The following CARNS1 variants were observed in gnomAD, a reference collection of about 807,000 sequenced individuals.
CARNS1 encodes the protein carnosine synthase 1.
CARNS1 carries 61 observed loss-of-function variants against 74.0 expected under a neutral mutation model. That is an observed-to-expected ratio of 0.82 (90% CI 0.67 to 1.02). CARNS1 has a LOEUF of 1.02. Ranked by LOEUF, CARNS1 falls within the 50% of genes least tolerant of loss-of-function variation. The probability of loss-of-function intolerance (pLI) is 0.00; values close to 1 mark genes in which losing one functional copy is unlikely to be tolerated. For synonymous variants in CARNS1, 568 were observed against 605.5 expected (o/e 0.94, Z 0.91); for missense variants, 1,278 against 1,308.4 (o/e 0.98, Z 0.36).
rs950601338 is a variant in CARNS1 at position 67,417,430 on chromosome 11, C to T, written c.27C>T (p.Pro9=). 24 of 1,401,018 alleles carry T rather than the reference C, an allele frequency of 1.7e-5. No individual in the cohort carries two copies. The highest frequency in any genetic ancestry group is 6.1e-5 in the Admixed American group (2 of 32,794). 86.8% of individuals were successfully genotyped at this position (1,401,018 alleles called of 1,614,324 possible). The change falls in exon 3 of 10, where the codon CCC becomes CCT. Residue 9 remains proline, a synonymous_variant. Transcript: ENST00000687366. MLSLDPSG[P]EWDCPLGSKD... Reference sequence around the variant, plus strand: ...AGCTCTCCCTGGATCCATCGGGTCCCGAGTGGGATTGCCCACTGGGCTCCA... The same window carrying T: ...AGCTCTCCCTGGATCCATCGGGTCCTGAGTGGGATTGCCCACTGGGCTCCA...
intron 9 of CARNS1, among the ~76,000 whole-genome samples, chr11:67,422,612 C>T (rs117216574): frequency 0.048 from 7,284 of 152,270 alleles, 264 homozygotes; most frequent in Non-Finnish European, 0.078. Flanking sequence ...CAGGTGTGAG[C>T]CACTGCGCAC....
At chr11:67,417,730 C>A in intron 3 of CARNS1, 53 bp downstream of exon 3, 2 of 1,186,502 alleles carry the variant, frequency 1.7e-6, no homozygotes, top group Non-Finnish European at 2.1e-6. Context: ...GAGGGGCCCT[C>A]AGCCCAGTCT....
At position 67,416,625 on chromosome 11, in the gene CARNS1, C is replaced by T. The variant is rs1306128471; in HGVS notation, c.3+423C>T. 1.9e-5 allele frequency: 19 copies of T among 1,009,518 alleles called. No homozygotes were observed. In the East Asian group the frequency reaches 5.3e-4, roughly 28 times the overall value. 62.5% of individuals were successfully genotyped at this position (1,009,518 alleles called of 1,614,324 possible). A position where few individuals can be genotyped will look rare whatever the true frequency, so the allele number is the denominator to read the frequency against. The stretch of plus-strand genomic sequence containing the variant: ...GGCAACAAGGTCCAAAGAGACCTCA[C>T]GACTTGCTCAAGGTGGCCGAGCCTG... On this transcript the variant is annotated intron_variant, in intron 2 of 9. Transcript: ENST00000687366.
chr11:67,417,417 A>G lies in CARNS1; in HGVS notation c.14A>G (p.Asp5Gly). ...CTTCTGCCCTCTCAGCTCTCCCTGG[A>G]TCCATCGGGTCCCGAGTGGGATTGC... is the stretch of plus-strand genomic sequence containing the variant. MLSL[D>G]PSGPEWDCPL... The change falls in exon 3 of 10, where the codon GAT (aspartate) becomes GGT (glycine). Residue 5 changes from aspartate (D) to glycine (G), a missense_variant. Coordinates refer to ENST00000687366, the MANE Select transcript of CARNS1 (RefSeq NM_001166222.2). 1 of 1,379,118 alleles carries G rather than the reference A, an allele frequency of 7.3e-7. No homozygotes were observed. The highest frequency in any genetic ancestry group is 9.4e-7 in the Non-Finnish European group (1 of 1,067,038). The allele number at this position is 1,379,118 out of a possible 1,614,324, so 85.4% of individuals were successfully genotyped here. A position where few individuals can be genotyped will look rare whatever the true frequency, so the allele number is the denominator to read the frequency against.
Position 67,421,380 on chromosome 11 carries a change from C to A in CARNS1, c.1626+161C>A, listed in dbSNP as rs562474055. Among the ~76,000 whole-genome samples the A allele has an allele frequency of 4.7e-3, 712 of 152,290 alleles. 2 individuals carry two copies. The highest frequency in any genetic ancestry group is 7.8e-3 in the Non-Finnish European group (531 of 68,002). On this transcript the variant is annotated intron_variant, in intron 9 of 9. Coordinates refer to ENST00000687366, the MANE Select transcript of CARNS1 (RefSeq NM_001166222.2). The stretch of plus-strand genomic sequence containing the variant: ...GCATCCTGGCCAGGTACAAGTAAGC[C>A]CAGGAGTAAGGGCGGAGTCCGCCGC...
In CARNS1 at chr11:67,420,960, C is replaced by T. The variant is rs1237224986; in HGVS notation, c.1367C>T (p.Ala456Val). ...GCAGGCGTGGATTTCGCGCTGACAG[C>T]GGCCGGCGGCGTGCTGACCCCAGTG... ...DFLGVDFALT[A>V]AGGVLTPVAL... The change falls in exon 9 of 10, where the codon GCG (alanine) becomes GTG (valine). Residue 456 changes from alanine to valine, a missense_variant. Transcript: ENST00000687366. 1.4e-6 allele frequency: 2 copies of T among 1,421,388 alleles called. No homozygotes were observed. The highest frequency in any genetic ancestry group is 2.8e-5 in the Admixed American group (1 of 35,988). The allele number at this position is 1,421,388 out of a possible 1,614,324, so 88.0% of individuals were successfully genotyped here.
Position 67,421,093 on chromosome 11 carries a change from G to C in CARNS1, c.1500G>C (p.Pro500=). The change falls in exon 9 of 10, where the codon CCG becomes CCC. Residue 500 remains proline (P), a synonymous_variant. Coordinates refer to ENST00000687366, the MANE Select transcript of CARNS1 (RefSeq NM_001166222.2). ...GPAADEAVAA[P]LVETMLRRSA... is the part of the protein sequence containing the mutation. The stretch of plus-strand genomic sequence containing the variant: ...CGGCCGACGAGGCGGTGGCGGCGCC[G>C]CTGGTGGAGACCATGCTTCGGCGGT... The C allele has an allele frequency of 7.1e-7, 1 of 1,399,018 alleles. No individual in the cohort carries two copies. Among genetic ancestry groups the C allele is most frequent in the Non-Finnish European group, 9.2e-7 (1 of 1,085,420 alleles). The allele number at this position is 1,399,018 out of a possible 1,614,324, so 86.7% of individuals were successfully genotyped here.
At chr11:67,419,915 C>T (rs774103222) in intron 7 of CARNS1, 77 bp downstream of exon 7, 180 of 1,440,056 alleles carry the variant, frequency 1.2e-4, no homozygotes, top group Non-Finnish European at 1.7e-4. Flanking sequence ...TTGCCAAGGG[C>T]CCCTGAGCCG....
Position 67,424,363 on chromosome 11 carries a change from C to T in CARNS1, c.2615C>T (p.Ala872Val), listed in dbSNP as rs1457809977. 6.2e-6 allele frequency: 10 copies of T among 1,601,526 alleles called. No homozygotes were observed. The Admixed American group carries it at 1.7e-4, about 28-fold the overall frequency. ...TGCCTTGTGTCCCAGCACCTGCAGGCCCTGAGTTCCACCGCCAGCCGTGAG... is the reference window on the plus strand; with the variant it reads ...TGCCTTGTGTCCCAGCACCTGCAGGTCCTGAGTTCCACCGCCAGCCGTGAG... ...VMCLVSQHLQ[A>V]LSSTASRETL... Residue 872 changes from alanine to valine, a missense_variant, in exon 10 of 10, where the codon GCC becomes GTC. This residue lies in a region of CARNS1 where 1,164 missense variants were observed against 1,156.5 expected (regional missense o/e 1.01). Coordinates refer to ENST00000687366, the MANE Select transcript of CARNS1 (RefSeq NM_001166222.2).
At chr11:67,418,261 C>T (rs577346814) in intron 3 of CARNS1, among the ~76,000 whole-genome samples, 170 bp from the exon 4 acceptor site, 5 of 152,266 alleles carry the variant, frequency 3.3e-5, no homozygotes, top group Admixed American at 6.5e-5. Flanking sequence ...ACCAGCTTCA[C>T]GGGGCAGGAC....
In CARNS1 at chr11:67,423,384, G is replaced by A. The variant is rs1018925290; in HGVS notation, c.1636G>A (p.Val546Met). ...CCTGTGGCTTCTGCAGCTGCACCTCGTGGAGTCAGACCCCAACCACTTTGC... is the reference window on the plus strand; with the variant it reads ...CCTGTGGCTTCTGCAGCTGCACCTCATGGAGTCAGACCCCAACCACTTTGC... ...ARDYGLQLHL[V>M]ESDPNHFASQ... The change falls in exon 10 of 10, where the codon GTG (valine) becomes ATG (methionine). Residue 546 changes from valine (V) to methionine (M), a missense_variant. By Grantham distance (21) the Val-to-Met change is conservative. Transcript: ENST00000687366. This position sits in a 1 kb window ranked among gnomAD's most constrained non-coding sequence, Gnocchi z 5.1. The A allele has an allele frequency of 2.5e-6, 4 of 1,601,840 alleles. No individual in the cohort carries two copies. Among genetic ancestry groups the A allele is most frequent in the Admixed American group, 1.7e-5 (1 of 59,620 alleles).
chr11:67,423,508 G>A lies in CARNS1; in HGVS notation c.1760G>A (p.Gly587Asp), dbSNP rs1464403155. ...CTGGCAGAGTTGGTGCGGGCTCGCGGCCTCAAGCTAGATGGCTGCTTCTCC... is the reference window on the plus strand; with the variant it reads ...CTGGCAGAGTTGGTGCGGGCTCGCGACCTCAAGCTAGATGGCTGCTTCTCC... ...RLLAELVRAR[G>D]LKLDGCFSYW... is the part of the protein sequence containing the mutation. Residue 587 changes from glycine (G) to aspartate (D), a missense_variant, in exon 10 of 10, where the codon GGC becomes GAC. Coordinates refer to ENST00000687366, the MANE Select transcript of CARNS1 (RefSeq NM_001166222.2). The surrounding 1 kb of genome is among the most constrained non-coding windows in gnomAD (Gnocchi z 5.1). 1.9e-6 allele frequency: 3 copies of A among 1,613,916 alleles called. No homozygotes were observed. The highest frequency in any genetic ancestry group is 2.2e-5 in the South Asian group (2 of 91,068).
rs192728656 is a variant in CARNS1 at position 67,416,835 on chromosome 11, G to C, written c.4-572G>C. ...CGTGACTCAAAATATCTGCAGGGGG[G>C]ATACTGTCTAGCCTCCTAATGTTTA... On this transcript the variant is annotated intron_variant, in intron 2 of 9. Transcript: ENST00000687366. 152 of 986,592 alleles carry C rather than the reference G, an allele frequency of 1.5e-4. 1 individual carries two copies. In the African/African-American group the frequency reaches 2.4e-3, roughly 16 times the overall value. 61.1% of individuals were successfully genotyped at this position (986,592 alleles called of 1,614,324 possible).
chr11:67,424,560 C>T lies in CARNS1; in HGVS notation c.2812C>T (p.Pro938Ser). 1 of 1,606,464 alleles carries T rather than the reference C, an allele frequency of 6.2e-7. No individual in the cohort carries two copies. The highest frequency in any genetic ancestry group is 8.5e-7 in the Non-Finnish European group (1 of 1,177,974). The change falls in exon 10 of 10, where the codon CCC becomes TCC. Residue 938 changes from proline to serine, a missense_variant. Pro to Ser is a moderately conservative substitution (Grantham distance 74). Around this residue, in one of 3 missense-constraint regions of CARNS1, gnomAD observed 1,164 missense variants for 1,156.5 expected, o/e 1.01. Coordinates refer to ENST00000687366, the MANE Select transcript of CARNS1 (RefSeq NM_001166222.2). ...CTGCCAGGGCCTGGGCATCGATGGG[C>T]CCAGCTACCCTGTTGCCCACTTCCT... ...GLCQGLGIDG[P>S]SYPVAHFLSH...
chr11:67,419,962 G>T (rs933549493), intron 7 of CARNS1, 124 bp downstream of exon 7: 1 of 940,190 alleles, frequency 1.1e-6, no homozygotes, highest in East Asian at 2.6e-5. Context: ...TAGGGGGGTC[G>T]TAGTTGCCTC....
Position 67,419,039 on chromosome 11 carries a change from A to C in CARNS1, c.648A>C (p.Thr216=), listed in dbSNP as rs1863622702. ...LARLLEDRLL[T]RQLLAQQGGV... ...GGCTGCTGGAGGACCGGCTGCTGAC[A>C]AGGCAGTTGCTGGCCCAGCAGGGTG... Residue 216 remains threonine (T), a synonymous_variant, in exon 5 of 10, where the codon ACA becomes ACC. Transcript: ENST00000687366. 6.4e-7 allele frequency: 1 copy of C among 1,557,598 alleles called. No homozygotes were observed. Among genetic ancestry groups the C allele is most frequent in the Non-Finnish European group, 8.7e-7 (1 of 1,151,792 alleles).
Position 67,416,164 on chromosome 11 carries a change from C to G in CARNS1, c.-24-12C>G, listed in dbSNP as rs1410310394. On this transcript the variant is annotated splice_polypyrimidine_tract_variant and intron_variant, in intron 1 of 9. Coordinates refer to ENST00000687366, the MANE Select transcript of CARNS1 (RefSeq NM_001166222.2). ...CTCCTTCGTCTCTCTGTCCCTCTGT[C>G]TCTGCCATCAGTCTCTCAGCCACTC... 4.1e-6 allele frequency: 6 copies of G among 1,449,536 alleles called. No individual in the cohort carries two copies. The South Asian group carries it at 7.3e-5, about 18-fold the overall frequency. The allele number at this position is 1,449,536 out of a possible 1,614,324, so 89.8% of individuals were successfully genotyped here. A position where few individuals can be genotyped will look rare whatever the true frequency, so the allele number is the denominator to read the frequency against.
Position 67,424,803 on chromosome 11 carries a change from A to T in CARNS1, c.*202A>T, listed in dbSNP as rs141057921. On this transcript the variant is annotated 3_prime_UTR_variant, in exon 10 of 10. Coordinates refer to ENST00000687366, the MANE Select transcript of CARNS1 (RefSeq NM_001166222.2). ...ACTCAAGGGCCTCTTGCCCTCCCGA[A>T]GGCCCCAGTCCAGCCTACAGCTTCC... The T allele has an allele frequency of 2.2e-3, 1,396 of 638,988 alleles. 17 individuals are homozygous for T. Among genetic ancestry groups the T allele is most frequent in the African/African-American group, 0.021 (1,123 of 54,516 alleles). 39.6% of individuals were successfully genotyped at this position (638,988 alleles called of 1,614,324 possible). A position where few individuals can be genotyped will look rare whatever the true frequency, so the allele number is the denominator to read the frequency against.
chr11:67,425,148 G>A lies in CARNS1; in HGVS notation c.*547G>A. 1 of 452,356 alleles carries A rather than the reference G, an allele frequency of 2.2e-6. No homozygotes were observed. The allele number at this position is 452,356 out of a possible 1,614,324, so 28.0% of individuals were successfully genotyped here. A position where few individuals can be genotyped will look rare whatever the true frequency, so the allele number is the denominator to read the frequency against. Reference sequence around the variant, plus strand: ...TTCGGCCTGACCGGTAGAGGCAGGTGGCCTGTGGACAGAAGTAATCCTCTT... The same window carrying A: ...TTCGGCCTGACCGGTAGAGGCAGGTAGCCTGTGGACAGAAGTAATCCTCTT... On this transcript the variant is annotated 3_prime_UTR_variant, in exon 10 of 10. Transcript: ENST00000687366.
Sources: gnomAD v4.1 joint callset for allele counts (sites outside exome capture counted in the v4.1 genomes callset) on GRCh38, gnomAD v4.1.1 for gene constraint, gnomAD v4.1.1 regional missense constraint, Gnocchi (gnomAD v3.1) non-coding constraint, MANE v1.5 for transcripts, NCBI Gene and HGNC (gene_info 2026-07-23, HGNC 2026-07-21) for gene names.